BLTP1: variants seen among roughly 807,000 people sequenced by gnomAD.
The protein encoded by BLTP1 is fragile site-associated protein.
the BLTP1 span, chr4:122,226,114 C>A: frequency 6.6e-6 from 1 of 150,786 alleles, no homozygotes. Flanking sequence ...AAATTATGTA[C>A]TTATTTGAGG....
chr4:122,201,083 A>G, the BLTP1 span: 1 of 1,613,868 alleles, frequency 6.2e-7, no homozygotes. Flanking sequence ...AGGTTTATAA[A>G]GCCACTTACC....
At chr4:122,324,399 C>T in the BLTP1 span, 1 of 1,602,194 alleles carries the variant, frequency 6.2e-7, no homozygotes, top group Non-Finnish European at 8.5e-7. Flanking sequence ...CACCTATAGT[C>T]ACCCTTTTTT....
the BLTP1 span, chr4:122,347,557 G>A: frequency 1.2e-6 from 2 of 1,613,564 alleles, no homozygotes; most frequent in African/African-American, 1.3e-5. Context: ...CATTGAAGGG[G>A]TAAGCCAACA....
the BLTP1 span, chr4:122,273,274 A>G: frequency 3.1e-6 from 3 of 975,226 alleles, no homozygotes; most frequent in Non-Finnish European, 3.7e-6. Flanking sequence ...CCTGTTTTGT[A>G]CCCTAAACAT....
the BLTP1 span, among the ~76,000 whole-genome samples, chr4:122,359,062 A>G: frequency 6.6e-6 from 1 of 150,992 alleles, no homozygotes; most frequent in Non-Finnish European, 1.5e-5. Flanking sequence ...TGTGTGAATT[A>G]TATCTCAAAG....
the BLTP1 span, chr4:122,208,721 T>C: frequency 4.6e-5 from 42 of 905,068 alleles, no homozygotes; most frequent in Non-Finnish European, 5.5e-5. Context: ...TAAAATCTTA[T>C]TCATTATTTA....
At chr4:122,301,883 G>A in the BLTP1 span, among the ~76,000 whole-genome samples, 5 of 152,000 alleles carry the variant, frequency 3.3e-5, no homozygotes, top group African/African-American at 1.2e-4. Flanking sequence ...GCAACATAGC[G>A]AGACTTTGTC....
chr4:122,270,948 A>G, the BLTP1 span: 17 of 1,464,886 alleles, frequency 1.2e-5, no homozygotes, highest in African/African-American at 1.4e-5. Flanking sequence ...TTGCCTATAA[A>G]TTAATAAAGA....
the BLTP1 span, chr4:122,223,999 A>G: frequency 1.0e-6 from 1 of 979,902 alleles, no homozygotes; most frequent in Non-Finnish European, 1.2e-6. Context: ...TGAGTATGAA[A>G]TTATTCTCTG....
At chr4:122,333,368 T>C in the BLTP1 span, 1 of 122,818 alleles carries the variant, frequency 8.1e-6, no homozygotes, top group Non-Finnish European at 1.7e-5. Flanking sequence ...GATTTGCATT[T>C]CTCTGATGGC....
chr4:122,277,578 G>A, the BLTP1 span: 5 of 953,120 alleles, frequency 5.2e-6, no homozygotes, highest in Admixed American at 6.2e-5. Flanking sequence ...AAGAAAGATC[G>A]TATCTTTGCT....
the BLTP1 span, among the ~76,000 whole-genome samples, chr4:122,159,684 T>G: frequency 6.6e-6 from 1 of 152,180 alleles, no homozygotes; most frequent in African/African-American, 2.4e-5. Flanking sequence ...TTTAATGCCT[T>G]CAGCATCTCT....
chr4:122,355,183 G>A, the BLTP1 span, among the ~76,000 whole-genome samples: 5 of 152,020 alleles, frequency 3.3e-5, no homozygotes, highest in South Asian at 2.1e-4. Context: ...GTCCTAAAGC[G>A]TCTATTAGCA....
At chr4:122,173,818 C>T in the BLTP1 span, among the ~76,000 whole-genome samples, 2 of 151,918 alleles carry the variant, frequency 1.3e-5, no homozygotes, top group African/African-American at 2.4e-5. Context: ...AAAAGATGCT[C>T]ATTAAAAGAG....
chr4:122,285,193 C>T, the BLTP1 span, among the ~76,000 whole-genome samples: 1 of 151,974 alleles, frequency 6.6e-6, no homozygotes, highest in Non-Finnish European at 1.5e-5. Flanking sequence ...TTAGAGTAAA[C>T]ATATTGTTAA....
chr4:122,259,989 T>C, the BLTP1 span: 1 of 758,990 alleles, frequency 1.3e-6, no homozygotes. Flanking sequence ...TATATAGTCA[T>C]GCATCACTTA....
chr4:122,171,641 G>GT, the BLTP1 span: 32 of 110,326 alleles, frequency 2.9e-4, no homozygotes, highest in Non-Finnish European at 4.6e-4. Context: ...GGTTACACAG[G>GT]TTTTTTTTTT....
At chr4:122,269,062 C>G in the BLTP1 span, 1 of 949,224 alleles carries the variant, frequency 1.1e-6, no homozygotes, top group Non-Finnish European at 1.3e-6. Context: ...AAATCCAGAC[C>G]CAAAACATTA....
the BLTP1 span, chr4:122,350,093 C>G: frequency 6.2e-7 from 1 of 1,608,040 alleles, no homozygotes. Context: ...TAGAAGTAAG[C>G]TTTTATATAT....
Sources: gnomAD v4.1 joint callset for allele counts (sites outside exome capture counted in the v4.1 genomes callset) on GRCh38, gnomAD v4.1.1 for gene constraint, MANE v1.5 for transcripts, NCBI Gene and HGNC (gene_info 2026-07-23, HGNC 2026-07-21) for gene names.